TSHZ2: variants seen among roughly 807,000 people sequenced by gnomAD.
TSHZ2 encodes teashirt homolog 2.
Under a neutral mutation model 74.4 loss-of-function variants are expected in TSHZ2, and 21 were observed. That is an observed-to-expected ratio of 0.28 (90% CI 0.20 to 0.41). The LOEUF is 0.41. Among genes scored for constraint, TSHZ2 ranks in the 10% least tolerant of loss-of-function variants. The pLI is 1.00. For synonymous variants in TSHZ2, 540 were observed against 515.3 expected, an observed-to-expected ratio of 1.05 and a Z score of -0.65; for missense variants, 1,244 against 1,293.5, an observed-to-expected ratio of 0.96 and a Z score of 0.59.
chr20:53,456,177 A>C (rs1198900474), intron 2 of TSHZ2, among the ~76,000 whole-genome samples: 1 of 150,504 alleles, frequency 6.6e-6, no homozygotes, highest in African/African-American at 2.4e-5. Context: ...AGTCCCACCA[A>C]CAGTGTAAAA....
intron 2 of TSHZ2, among the ~76,000 whole-genome samples, chr20:53,469,256 A>G (rs547682958): frequency 2.6e-5 from 4 of 151,670 alleles, no homozygotes; most frequent in African/African-American, 9.7e-5. Context: ...CAAAAATGAC[A>G]ATCATGGCCA....
chr20:53,333,823 A>G (rs532349149), intron 2 of TSHZ2, among the ~76,000 whole-genome samples: 7 of 152,170 alleles, frequency 4.6e-5, no homozygotes, highest in Non-Finnish European at 1.0e-4. Flanking sequence ...GGATGCAGCG[A>G]CTGCATCTCT....
At chr20:53,144,969 GAAGAT>G (rs1275201311) in intron 1 of TSHZ2, among the ~76,000 whole-genome samples, 1 of 152,122 alleles carries the variant, frequency 6.6e-6, no homozygotes, top group African/African-American at 2.4e-5. Context: ...TTTATTAAAA[GAAGAT>G]GAGAGAGGAA....
chr20:53,022,464 A>G (rs1412469486), intron 1 of TSHZ2, among the ~76,000 whole-genome samples: 3 of 152,182 alleles, frequency 2.0e-5, no homozygotes, highest in Non-Finnish European at 4.4e-5. Context: ...AAATTGGGCC[A>G]AAGTTTCAAA....
chr20:53,287,120 G>A (rs968594531), intron 2 of TSHZ2, among the ~76,000 whole-genome samples: 2 of 152,086 alleles, frequency 1.3e-5, no homozygotes, highest in African/African-American at 4.8e-5. Context: ...TTCGTAGTAG[G>A]AACAAATTAT....
At chr20:53,249,398 G>T (rs1323390867) in intron 1 of TSHZ2, among the ~76,000 whole-genome samples, 3 of 152,192 alleles carry the variant, frequency 2.0e-5, no homozygotes, top group Non-Finnish European at 4.4e-5. Flanking sequence ...ACTGCATGGG[G>T]ATAGATATTC....
chr20:53,341,381 C>G (rs1980196105), intron 2 of TSHZ2, among the ~76,000 whole-genome samples: 1 of 152,146 alleles, frequency 6.6e-6, no homozygotes, highest in Admixed American at 6.5e-5. Flanking sequence ...GAGGGATTTC[C>G]TGGGACATAA....
chr20:53,467,012 T>A (rs1232039987), intron 2 of TSHZ2, among the ~76,000 whole-genome samples: 1 of 152,204 alleles, frequency 6.6e-6, no homozygotes, highest in African/African-American at 2.4e-5. Flanking sequence ...AACTATCTGA[T>A]CTTGATTACA....
chr20:53,494,779 G>A lies in TSHZ2; in HGVS notation c.*7644G>A, dbSNP rs1986541475. 1 of 150,370 alleles carries A rather than the reference G, an allele frequency of 6.7e-6. No individual in the cohort carries two copies. Among genetic ancestry groups the A allele is most frequent in the Non-Finnish European group, 1.5e-5 (1 of 67,744 alleles). The allele number at this position is 150,370 out of a possible 1,614,324, so 9.3% of individuals were successfully genotyped here. A position where few individuals can be genotyped will look rare whatever the true frequency, so the allele number is the denominator to read the frequency against. ...GGAGCCCCTGATTTCCATCAAAAAG[G>A]TTTCTATAAGTATATTATTTACATT... On this transcript the variant is annotated 3_prime_UTR_variant, in exon 3 of 3. Coordinates refer to ENST00000371497, the MANE Select transcript of TSHZ2 (RefSeq NM_173485.6).
chr20:53,370,900 T>C (rs182129397), intron 2 of TSHZ2, among the ~76,000 whole-genome samples: 2 of 152,308 alleles, frequency 1.3e-5, no homozygotes, highest in Admixed American at 6.5e-5. Flanking sequence ...CAGAAATTAA[T>C]TCTCTCGCAG....
chr20:53,415,812 A>ACG (rs1228122248), intron 2 of TSHZ2, among the ~76,000 whole-genome samples: 2 of 88,266 alleles, frequency 2.3e-5, no homozygotes, highest in East Asian at 4.5e-4. Flanking sequence ...ACACACACAC[A>ACG]CACACACACG....
intron 2 of TSHZ2, among the ~76,000 whole-genome samples, chr20:53,328,768 C>T (rs922204441): frequency 1.3e-5 from 2 of 152,076 alleles, no homozygotes; most frequent in Middle Eastern, 3.2e-3. Context: ...TTTGCTTTAT[C>T]CTCCTTTTTA....
chr20:53,378,341 A>AAATAATAATAAT lies in TSHZ2; in HGVS notation c.*9-108774_*9-108763dup, dbSNP rs11474507. 6.9e-4 allele frequency among the ~76,000 whole-genome samples: 98 copies of AAATAATAATAAT among 142,518 alleles called. No individual in the cohort carries two copies. The South Asian group carries it at 7.6e-3, about 11-fold the overall frequency. 93.5% of individuals were successfully genotyped at this position (142,518 alleles called of 152,430 possible). A position where few individuals can be genotyped will look rare whatever the true frequency, so the allele number is the denominator to read the frequency against. On this transcript the variant is annotated intron_variant, in intron 2 of 2. Coordinates refer to ENST00000371497, the MANE Select transcript of TSHZ2 (RefSeq NM_173485.6). ...GGCGACAAAGCAAAACTTTGTATCA[A>AAATAATAATAAT]AATAATAATAATAATAATAATAATA...
chr20:53,049,036 A>C (rs565334774), intron 1 of TSHZ2, among the ~76,000 whole-genome samples: 1 of 152,294 alleles, frequency 6.6e-6, no homozygotes, highest in African/African-American at 2.4e-5. Flanking sequence ...GGACAGAATA[A>C]TCATATCTAT....
chr20:53,247,559 C>T (rs142585858), intron 1 of TSHZ2, among the ~76,000 whole-genome samples: 1 of 152,320 alleles, frequency 6.6e-6, no homozygotes, highest in East Asian at 1.9e-4. Context: ...TACTAACAGA[C>T]TTTTAGACCA....
At chr20:53,472,075 G>A (rs144525398) in intron 2 of TSHZ2, among the ~76,000 whole-genome samples, 3 of 152,156 alleles carry the variant, frequency 2.0e-5, no homozygotes, top group Non-Finnish European at 4.4e-5. Flanking sequence ...AAAGTGCTGG[G>A]ACTACAGGTG....
chr20:52,986,773 C>T (rs1981781422), intron 1 of TSHZ2, among the ~76,000 whole-genome samples: 2 of 152,086 alleles, frequency 1.3e-5, no homozygotes, highest in Non-Finnish European at 2.9e-5. Flanking sequence ...GTCTGATTAC[C>T]ATCAATGTAT....
At chr20:53,150,285 A>G (rs1372081480) in intron 1 of TSHZ2, among the ~76,000 whole-genome samples, 2 of 152,206 alleles carry the variant, frequency 1.3e-5, no homozygotes, top group South Asian at 2.1e-4. Context: ...TGGGGAGGCC[A>G]GATGATTTTG....
At chr20:53,451,254 A>G (rs7268851) in intron 2 of TSHZ2, among the ~76,000 whole-genome samples, 29,448 of 152,156 alleles carry the variant, frequency 0.19, 3,207 homozygotes, top group South Asian at 0.33. Flanking sequence ...CTCGATCTCA[A>G]AGTTGACTGA....
Sources: allele counts gnomAD v4.1 joint callset (sites outside exome capture counted in the v4.1 genomes callset), GRCh38; gene constraint gnomAD v4.1.1; transcripts MANE v1.5; gene names NCBI Gene and HGNC (gene_info 2026-07-23, HGNC 2026-07-21).